SPOP: variants seen among roughly 807,000 people sequenced by gnomAD.
The protein encoded by SPOP is speckle type BTB/POZ protein, also known as speckle-type POZ protein.
Under a neutral mutation model 45.6 loss-of-function variants are expected in SPOP, and 11 were observed. That is an observed-to-expected ratio of 0.24 (90% CI 0.15 to 0.40). The LOEUF is 0.40. Among genes scored for constraint, SPOP ranks in the 10% least tolerant of loss-of-function variants. The pLI is 1.00. For synonymous variants in SPOP, 166 were observed against 166.3 expected (o/e 1.00, Z 0.01); for missense variants, 152 against 465.6 (o/e 0.33, Z 6.20).
At chr17:49,609,913 T>C (rs2071932953) in intron 6 of SPOP, among the ~76,000 whole-genome samples, 1 of 151,270 alleles carries the variant, frequency 6.6e-6, no homozygotes, top group African/African-American at 2.4e-5. Flanking sequence ...AGATGGGATA[T>C]AAAACAGAGC....
chr17:49,629,675 T>C (rs1335533839), intron 1 of SPOP, among the ~76,000 whole-genome samples: 1 of 152,214 alleles, frequency 6.6e-6, no homozygotes, highest in Non-Finnish European at 1.5e-5. Flanking sequence ...AGAACTAGGC[T>C]AGAACACCCT....
chr17:49,667,127 G>A (rs974266615), intron 1 of SPOP, among the ~76,000 whole-genome samples: 5 of 141,178 alleles, frequency 3.5e-5, no homozygotes, highest in South Asian at 4.5e-4. Context: ...GCAATGAGCC[G>A]AGATCATGCC....
chr17:49,614,802 A>AGTGTGTGTGTGTGTGTGTGT (rs60134980), intron 5 of SPOP, among the ~76,000 whole-genome samples: 4 of 146,978 alleles, frequency 2.7e-5, no homozygotes, highest in African/African-American at 1.0e-4. Flanking sequence ...CATGCTATGA[A>AGTGTGTGTGTGTGTGTGTGT]GTGTGTGTGT....
At chr17:49,672,200 C>T (rs1597989926) in intron 1 of SPOP, among the ~76,000 whole-genome samples, 1 of 152,052 alleles carries the variant, frequency 6.6e-6, no homozygotes, top group Non-Finnish European at 1.5e-5. Context: ...AGATTGAAAG[C>T]AAATCAGTGT....
chr17:49,607,816 G>T, intron 7 of SPOP, 58 bp downstream of exon 7: 1 of 1,502,720 alleles, frequency 6.7e-7, no homozygotes, highest in South Asian at 1.2e-5. Flanking sequence ...GCTAAAGTGG[G>T]AAATCATCTG....
chr17:49,636,677 T>C (rs1047044608), intron 1 of SPOP: 1 of 152,210 alleles, frequency 6.6e-6, no homozygotes. Context: ...TTAAAAGTCA[T>C]GGTAAATGTT....
intron 1 of SPOP, among the ~76,000 whole-genome samples, chr17:49,661,927 CA>C (rs2072993045): frequency 6.8e-6 from 1 of 147,276 alleles, no homozygotes; most frequent in African/African-American, 2.5e-5. Flanking sequence ...GCAGGAGAAT[CA>C]CTTGAACTGG....
intron 1 of SPOP, among the ~76,000 whole-genome samples, chr17:49,653,323 C>A (rs951422510): frequency 4.6e-5 from 7 of 152,106 alleles, no homozygotes; most frequent in African/African-American, 1.4e-4. Context: ...GATTTCAAAT[C>A]CCTCTCTAAA....
intron 1 of SPOP, among the ~76,000 whole-genome samples, chr17:49,641,290 A>G (rs1444733760): frequency 7.6e-6 from 1 of 132,078 alleles, no homozygotes; most frequent in African/African-American, 2.9e-5. Context: ...AAAAAAAAAA[A>G]GCAATTCCCT....
chr17:49,677,446 T>C (rs1163263357), intron 1 of SPOP, among the ~76,000 whole-genome samples: 1 of 152,200 alleles, frequency 6.6e-6, no homozygotes, highest in Non-Finnish European at 1.5e-5. Flanking sequence ...AATTCTCCCC[T>C]TTGGACAGGA....
intron 1 of SPOP, among the ~76,000 whole-genome samples, chr17:49,627,197 G>A (rs1194794519): frequency 1.3e-5 from 2 of 152,172 alleles, no homozygotes; most frequent in Non-Finnish European, 2.9e-5. Flanking sequence ...AAGCTAACAT[G>A]GTGTGCTGTC....
intron 1 of SPOP, among the ~76,000 whole-genome samples, chr17:49,674,490 C>T (rs1401622951): frequency 6.6e-6 from 1 of 152,204 alleles, no homozygotes; most frequent in Non-Finnish European, 1.5e-5. Flanking sequence ...TCCAACAAGA[C>T]TGTAAGCTCT....
intron 1 of SPOP, among the ~76,000 whole-genome samples, chr17:49,645,000 C>T (rs1326371813): frequency 6.6e-6 from 1 of 151,726 alleles, no homozygotes; most frequent in Non-Finnish European, 1.5e-5. Context: ...TTAAGCTTTT[C>T]AAATCGATGA....
intron 1 of SPOP, among the ~76,000 whole-genome samples, chr17:49,647,055 C>A (rs1305609965): frequency 1.3e-5 from 2 of 151,790 alleles, no homozygotes; most frequent in South Asian, 4.1e-4. Flanking sequence ...TTTGGGAGGC[C>A]AAGGCAGGCA....
intron 1 of SPOP, among the ~76,000 whole-genome samples, chr17:49,643,892 T>G (rs532422545): frequency 6.9e-6 from 1 of 145,936 alleles, no homozygotes; most frequent in South Asian, 2.1e-4. Flanking sequence ...ATCGTGCCAC[T>G]GCACTCCAGC....
At chr17:49,677,392 A>G (rs2073213281) in intron 1 of SPOP, among the ~76,000 whole-genome samples, 1 of 152,256 alleles carries the variant, frequency 6.6e-6, no homozygotes, top group African/African-American at 2.4e-5. Flanking sequence ...GGGCAACACC[A>G]GATGAGAATA....
At position 49,669,021 on chromosome 17, in the gene SPOP, C is replaced by A. The variant is rs558487609; in HGVS notation, c.-67+8912G>T. On this transcript the variant is annotated intron_variant, in intron 1 of 9. Coordinates refer to ENST00000504102, the MANE Select transcript of SPOP (RefSeq NM_001007228.2). The stretch of plus-strand genomic sequence containing the variant: ...TCGATCTCCTGACCTCGTGATCCGC[C>A]CATCTCGGCCTCCCAAAGTGCTGGG... 1.8e-4 allele frequency among the ~76,000 whole-genome samples: 27 copies of A among 152,150 alleles called. No homozygotes were observed. The South Asian group carries it at 5.6e-3, about 32-fold the overall frequency.
intron 1 of SPOP, among the ~76,000 whole-genome samples, chr17:49,662,850 C>A (rs925347288): frequency 8.5e-5 from 13 of 152,124 alleles, no homozygotes; most frequent in African/African-American, 2.7e-4. Flanking sequence ...CAGGAAACAC[C>A]TGTACTTCAA....
intron 1 of SPOP, chr17:49,636,862 C>T (rs1401234789): frequency 1.3e-5 from 2 of 152,130 alleles, no homozygotes; most frequent in East Asian, 3.8e-4. Context: ...GAATCTCATA[C>T]AAGTCTTTAC....
Sources: allele counts gnomAD v4.1 joint callset (sites outside exome capture counted in the v4.1 genomes callset), GRCh38; gene constraint gnomAD v4.1.1; transcripts MANE v1.5; gene names NCBI Gene and HGNC (gene_info 2026-07-23, HGNC 2026-07-21).